Variants in ANXA4 observed in about 807,000 individuals in gnomAD.
ANXA4 encodes 35-beta calcimedin.
ANXA4 carries 39 observed loss-of-function variants against 49.8 expected under a neutral mutation model. The observed-to-expected ratio is 0.78, with a 90% CI of 0.61 to 1.02. The LOEUF is 1.02. Among genes scored for constraint, ANXA4 ranks in the 50% least tolerant of loss-of-function variants. The pLI is 0.00. For missense variants in ANXA4, 360 were observed against 410.1 expected (o/e 0.88, Z 1.05); for synonymous variants, 134 against 152.5 (o/e 0.88, Z 0.89).
intron 2 of ANXA4, among the ~76,000 whole-genome samples, chr2:69,696,149 A>C (rs78741061): frequency 0.14 from 20,988 of 152,176 alleles, 2,064 homozygotes; most frequent in East Asian, 0.37. Flanking sequence ...TGCCCACAGG[A>C]GAACTCCTTT....
At chr2:69,761,171 T>G (rs1444433250) in intron 1 of ANXA4, among the ~76,000 whole-genome samples, 1 of 152,092 alleles carries the variant, frequency 6.6e-6, no homozygotes, top group Non-Finnish European at 1.5e-5. Flanking sequence ...CATTTCAACA[T>G]GTAATCAATA....
At chr2:69,817,063 C>T (rs1360456338) in intron 9 of ANXA4, 1 of 152,216 alleles carries the variant, frequency 6.6e-6, no homozygotes, top group African/African-American at 2.4e-5. Flanking sequence ...ATCAGGTACA[C>T]AAACTTCTGA....
chr2:69,656,213 ATATATATG>A (rs1201399410), intron 2 of ANXA4, among the ~76,000 whole-genome samples: 30 of 138,560 alleles, frequency 2.2e-4, no homozygotes, highest in Admixed American at 8.4e-4. Flanking sequence ...ATACACACAC[ATATATATG>A]TATATATGTA....
intron 5 of ANXA4, 120 bp downstream of exon 5, chr2:69,806,618 A>C (rs909128071): frequency 1.5e-5 from 11 of 732,414 alleles, no homozygotes; most frequent in Non-Finnish European, 2.6e-5. Flanking sequence ...TCAATGGTAG[A>C]CTGGATAAAG....
intron 2 of ANXA4, among the ~76,000 whole-genome samples, chr2:69,656,078 G>T (rs758560866): frequency 4.6e-5 from 7 of 151,510 alleles, no homozygotes; most frequent in Non-Finnish European, 1.0e-4. Flanking sequence ...TAATGTAGAT[G>T]ATGGGTTGAT....
chr2:69,804,758 T>C, intron 4 of ANXA4, 131 bp downstream of exon 4: 4 of 822,126 alleles, frequency 4.9e-6, no homozygotes, highest in Non-Finnish European at 7.7e-6. Flanking sequence ...TTAAAGATGT[T>C]CTTGAGGCCA....
chr2:69,810,091 G>A, intron 6 of ANXA4: 1 of 154,982 alleles, frequency 6.5e-6, no homozygotes, highest in Non-Finnish European at 1.4e-5. Context: ...GGGTGCGGTG[G>A]CTCACGCCTA....
intron 1 of ANXA4, among the ~76,000 whole-genome samples, chr2:69,651,984 T>C (rs1037157744): frequency 1.3e-5 from 2 of 151,866 alleles, no homozygotes; most frequent in Non-Finnish European, 2.9e-5. Context: ...TCGGCCTTTT[T>C]ATTGAATTTT....
chr2:69,649,141 C>T (rs1056547275), intron 1 of ANXA4, among the ~76,000 whole-genome samples: 2 of 152,024 alleles, frequency 1.3e-5, no homozygotes. Flanking sequence ...CCACCTCAGC[C>T]TCCCAAAGTG....
chr2:69,820,918 T>C, intron 12 of ANXA4, 97 bp downstream of exon 12: 3 of 1,303,876 alleles, frequency 2.3e-6, no homozygotes, highest in Non-Finnish European at 3.1e-6. Flanking sequence ...TCTTGGCATA[T>C]ATCATTTCCC....
At chr2:69,790,348 C>G (rs1355673821) in intron 3 of ANXA4, among the ~76,000 whole-genome samples, 1 of 151,996 alleles carries the variant, frequency 6.6e-6, no homozygotes, top group Non-Finnish European at 1.5e-5. Context: ...GCAGCTAGGG[C>G]TCCTCCTGGG....
At chr2:69,720,212 C>T (rs1401217167) in intron 2 of ANXA4, among the ~76,000 whole-genome samples, 1 of 152,194 alleles carries the variant, frequency 6.6e-6, no homozygotes, top group Non-Finnish European at 1.5e-5. Flanking sequence ...ACAAGCAATA[C>T]TAATTGTAAT....
chr2:69,808,823 A>C (rs1673568234), intron 6 of ANXA4: 1 of 151,890 alleles, frequency 6.6e-6, no homozygotes. Context: ...CACCACACCC[A>C]GCTAATTTTT....
At chr2:69,694,365 C>CTT (rs5831981) in intron 2 of ANXA4, among the ~76,000 whole-genome samples, 40 of 139,084 alleles carry the variant, frequency 2.9e-4, no homozygotes, top group East Asian at 2.8e-3. Flanking sequence ...CAATACATTT[C>CTT]TTTTTTTTTT....
At chr2:69,794,246 A>G (rs1313089104) in intron 3 of ANXA4, among the ~76,000 whole-genome samples, 1 of 152,188 alleles carries the variant, frequency 6.6e-6, no homozygotes. Context: ...GTCCTGTTAC[A>G]TTGTGTGGGG....
At chr2:69,816,483 C>A in intron 9 of ANXA4, 1 of 283,476 alleles carries the variant, frequency 3.5e-6, no homozygotes, top group African/African-American at 2.1e-5. Flanking sequence ...TAAAGTAGCC[C>A]CAGTATTTTC....
chr2:69,710,113 G>A (rs1026963182), intron 2 of ANXA4, among the ~76,000 whole-genome samples: 8 of 149,340 alleles, frequency 5.4e-5, no homozygotes, highest in East Asian at 2.0e-4. Flanking sequence ...TCAGCCTCCC[G>A]AGTAGCTGGG....
chr2:69,665,356 C>A (rs1346573635), intron 2 of ANXA4, among the ~76,000 whole-genome samples: 2 of 152,208 alleles, frequency 1.3e-5, no homozygotes, highest in African/African-American at 4.8e-5. Flanking sequence ...GATTCTGAGG[C>A]CCTCAAGATG....
chr2:69,807,755 G>A (rs1673507340), intron 5 of ANXA4, 151 bp from the exon 6 acceptor site: 3 of 635,228 alleles, frequency 4.7e-6, no homozygotes, highest in Admixed American at 2.9e-5. Flanking sequence ...TGGGTTTCGG[G>A]TGGGACAATA....
Sources: gnomAD v4.1 joint callset for allele counts (sites outside exome capture counted in the v4.1 genomes callset) on GRCh38, gnomAD v4.1.1 for gene constraint, MANE v1.5 for transcripts, NCBI Gene and HGNC (gene_info 2026-07-23, HGNC 2026-07-21) for gene names.